The following NCOA2 variants were observed in gnomAD, a reference collection of about 807,000 sequenced individuals.
The protein encoded by NCOA2 is nuclear receptor coactivator 2, also known as class E basic helix-loop-helix protein 75.
NCOA2 carries 21 observed loss-of-function variants against 145.1 expected under a neutral mutation model. The ratio of observed to expected loss-of-function variants is 0.14; its 90% CI spans 0.10 to 0.21. The LOEUF is 0.21. Ranked by LOEUF, NCOA2 falls within the 10% of genes least tolerant of loss-of-function variation. NCOA2 has a pLI of 1.00. For missense variants in NCOA2, 1,472 were observed against 1,837.6 expected (o/e 0.80, Z 3.64); for synonymous variants, 619 against 637.5 (o/e 0.97, Z 0.44).
intron 4 of NCOA2, among the ~76,000 whole-genome samples, chr8:70,194,210 A>G (rs139555980): frequency 6.6e-6 from 1 of 152,354 alleles, no homozygotes; most frequent in Non-Finnish European, 1.5e-5. Flanking sequence ...AAGTGTAAAT[A>G]TTTGAAATCT....
the NCOA2 span, among the ~76,000 whole-genome samples, chr8:70,433,095 T>G: frequency 6.6e-6 from 1 of 152,206 alleles, no homozygotes; most frequent in South Asian, 2.1e-4. Context: ...ATTTCCTCAA[T>G]AAGTAAGTCA....
chr8:70,199,156 A>T (rs1282277120), intron 4 of NCOA2, among the ~76,000 whole-genome samples: 1 of 152,164 alleles, frequency 6.6e-6, no homozygotes, highest in East Asian at 1.9e-4. Flanking sequence ...ACAGCTCAAA[A>T]GTAGAAAGGG....
At chr8:70,237,660 C>T (rs1455288469) in intron 2 of NCOA2, among the ~76,000 whole-genome samples, 1 of 151,854 alleles carries the variant, frequency 6.6e-6, no homozygotes, top group Non-Finnish European at 1.5e-5. Flanking sequence ...GTTCCACAAA[C>T]CAGGGAGGCT....
intron 18 of NCOA2, among the ~76,000 whole-genome samples, chr8:70,127,877 T>C (rs920973555): frequency 6.6e-6 from 1 of 152,186 alleles, no homozygotes; most frequent in Non-Finnish European, 1.5e-5. Flanking sequence ...CTGTGATCTA[T>C]TTGGTGCCAA....
At chr8:70,162,258 T>C (rs185708716) in intron 9 of NCOA2, among the ~76,000 whole-genome samples, 269 of 152,102 alleles carry the variant, frequency 1.8e-3, no homozygotes, top group Non-Finnish European at 2.8e-3. Flanking sequence ...CGTGTCAACT[T>C]TTGGGCCCTC....
At chr8:70,320,329 C>T (rs545318134) in intron 1 of NCOA2, among the ~76,000 whole-genome samples, 2 of 152,162 alleles carry the variant, frequency 1.3e-5, no homozygotes, top group South Asian at 4.2e-4. Flanking sequence ...TGCTGATACA[C>T]AACAGCTCAC....
intron 1 of NCOA2, among the ~76,000 whole-genome samples, chr8:70,336,073 C>CAGTG (rs377749366): frequency 1.5e-4 from 23 of 152,118 alleles, no homozygotes; most frequent in Non-Finnish European, 2.5e-4. Flanking sequence ...CTGGGTGAGT[C>CAGTG]AGTGAGTGAG....
intron 19 of NCOA2, 65 bp downstream of exon 19, chr8:70,126,748 C>T: frequency 2.2e-6 from 3 of 1,362,878 alleles, no homozygotes; most frequent in Middle Eastern, 2.3e-4. Flanking sequence ...GGAGCTGTGA[C>T]CCAACACTGG....
At chr8:70,437,905 C>T in the NCOA2 span, among the ~76,000 whole-genome samples, 1 of 152,132 alleles carries the variant, frequency 6.6e-6, no homozygotes, top group African/African-American at 2.4e-5. Context: ...TTGATAGGAT[C>T]CCCTTTCTAC....
intron 11 of NCOA2, among the ~76,000 whole-genome samples, chr8:70,155,002 A>G (rs551227938): frequency 6.6e-6 from 1 of 152,348 alleles, no homozygotes; most frequent in East Asian, 1.9e-4. Flanking sequence ...ATTCCAGGAT[A>G]TGGATTTCAA....
chr8:70,124,128 A>T (rs971829471), intron 20 of NCOA2, 46 bp from the exon 21 acceptor site: 1 of 1,570,612 alleles, frequency 6.4e-7, no homozygotes, highest in Non-Finnish European at 8.7e-7. Flanking sequence ...GCTTGCTGGT[A>T]TCCAGAGGCA....
At chr8:70,385,481 T>C (rs1812580855) in intron 1 of NCOA2, among the ~76,000 whole-genome samples, 1 of 152,180 alleles carries the variant, frequency 6.6e-6, no homozygotes, top group South Asian at 2.1e-4. Context: ...CAGCCTAGAG[T>C]GCAGTGGTGT....
chr8:70,123,680 A>C (rs1385629441), intron 21 of NCOA2: 5 of 423,914 alleles, frequency 1.2e-5, no homozygotes, highest in Non-Finnish European at 2.1e-5. Context: ...CTCCTCAAGC[A>C]GTCAGGAATC....
chr8:70,163,007 T>C (rs1480719649), intron 8 of NCOA2, among the ~76,000 whole-genome samples, 153 bp from the exon 9 acceptor site: 1 of 148,010 alleles, frequency 6.8e-6, no homozygotes, highest in African/African-American at 2.5e-5. Flanking sequence ...CTCTACCTCC[T>C]GGGGTCAAAC....
intron 2 of NCOA2, among the ~76,000 whole-genome samples, chr8:70,251,936 T>C (rs972694924): frequency 1.3e-5 from 2 of 152,200 alleles, no homozygotes; most frequent in Non-Finnish European, 2.9e-5. Context: ...GGACCTCCCA[T>C]GGATACTCAA....
At chr8:70,299,807 G>C (rs1827357784) in intron 1 of NCOA2, among the ~76,000 whole-genome samples, 1 of 152,194 alleles carries the variant, frequency 6.6e-6, no homozygotes, top group Admixed American at 6.5e-5. Context: ...TCTTGGGGAA[G>C]AGATATCCAT....
intron 13 of NCOA2, among the ~76,000 whole-genome samples, chr8:70,144,271 T>C (rs1810777078): frequency 6.6e-6 from 1 of 152,250 alleles, no homozygotes; most frequent in Non-Finnish European, 1.5e-5. Flanking sequence ...GCTCTTATTC[T>C]GAAATTCTCC....
chr8:70,162,577 G>T, intron 9 of NCOA2, 134 bp downstream of exon 9: 1 of 841,686 alleles, frequency 1.2e-6, no homozygotes, highest in Non-Finnish European at 1.7e-6. Context: ...CCTTTAGATG[G>T]CAACACTGGG....
At chr8:70,149,382 G>A (rs543363908) in intron 11 of NCOA2, among the ~76,000 whole-genome samples, 18 of 146,802 alleles carry the variant, frequency 1.2e-4, no homozygotes, top group African/African-American at 4.4e-4. Flanking sequence ...CCACAGGCAT[G>A]CACCACCACC....
Sources: gnomAD v4.1 joint callset for allele counts (sites outside exome capture counted in the v4.1 genomes callset) on GRCh38, gnomAD v4.1.1 for gene constraint, MANE v1.5 for transcripts, NCBI Gene and HGNC (gene_info 2026-07-23, HGNC 2026-07-21) for gene names.